DPP10: variants seen among roughly 807,000 people sequenced by gnomAD.
DPP10 encodes the protein inactive dipeptidyl peptidase 10.
DPP10 carries 33 observed loss-of-function variants against 120.9 expected under a neutral mutation model. That is an observed-to-expected ratio of 0.27 (90% CI 0.21 to 0.37). The LOEUF (loss-of-function observed/expected upper bound fraction) is 0.37. DPP10 is among the 10% of genes least tolerant of loss of function. The pLI is 1.00. For missense variants in DPP10, 816 were observed against 942.8 expected (o/e 0.87, Z 1.76); for synonymous variants, 337 against 326.1 (o/e 1.03, Z -0.36).
intron 1 of DPP10, among the ~76,000 whole-genome samples, chr2:115,201,884 A>G (rs1462005966): frequency 6.6e-6 from 1 of 152,198 alleles, no homozygotes; most frequent in Non-Finnish European, 1.5e-5. Context: ...GAAGAAGGAA[A>G]ACATTAGGGC....
intron 1 of DPP10, among the ~76,000 whole-genome samples, chr2:114,823,148 T>C (rs1686236748): frequency 6.6e-6 from 1 of 152,152 alleles, no homozygotes; most frequent in Non-Finnish European, 1.5e-5. Flanking sequence ...GGGTAATTTA[T>C]AAAGGAAAGA....
chr2:115,003,998 T>A lies in DPP10; in HGVS notation c.61-305241T>A, dbSNP rs527981499. ...TTATTAGTTTATTCACCAATTCAAG[T>A]ATTCATCAAACTTAACAAACATGTA... On this transcript the variant is annotated intron_variant, in intron 1 of 25. Transcript: ENST00000410059. Among the ~76,000 whole-genome samples the A allele has an allele frequency of 3.3e-5, 5 of 152,342 alleles. No homozygotes were observed. In the East Asian group the frequency reaches 7.7e-4, roughly 23 times the overall value.
At chr2:115,534,110 A>AT (rs200087853) in intron 5 of DPP10, among the ~76,000 whole-genome samples, 12 of 146,874 alleles carry the variant, frequency 8.2e-5, no homozygotes, top group African/African-American at 1.5e-4. Flanking sequence ...TTTATTTTTT[A>AT]TTTTTTTTTA....
At chr2:115,274,087 T>TTG (rs149873576) in intron 1 of DPP10, among the ~76,000 whole-genome samples, 7 of 151,642 alleles carry the variant, frequency 4.6e-5, no homozygotes, top group South Asian at 2.1e-4. Context: ...GCAGAATTGT[T>TTG]TGTGTGTGTG....
intron 1 of DPP10, among the ~76,000 whole-genome samples, chr2:114,525,670 C>G (rs1397091885): frequency 2.6e-5 from 4 of 152,152 alleles, no homozygotes; most frequent in African/African-American, 9.7e-5. Context: ...GTGATTTTCG[C>G]ACAAGTCATG....
chr2:114,810,161 T>C (rs1312401524), intron 1 of DPP10, among the ~76,000 whole-genome samples: 3 of 152,222 alleles, frequency 2.0e-5, no homozygotes, highest in Non-Finnish European at 4.4e-5. Context: ...GACTTAAATA[T>C]TTTTCCACCG....
At chr2:114,798,835 T>C (rs1683936711) in intron 1 of DPP10, among the ~76,000 whole-genome samples, 1 of 152,092 alleles carries the variant, frequency 6.6e-6, no homozygotes, top group Non-Finnish European at 1.5e-5. Context: ...AATAAAAAAG[T>C]TTATATTATG....
chr2:114,954,500 A>G (rs189464342), intron 1 of DPP10, among the ~76,000 whole-genome samples: 2 of 152,274 alleles, frequency 1.3e-5, no homozygotes, highest in African/African-American at 4.8e-5. Flanking sequence ...AGTAAATCAA[A>G]AAAGAAGAAA....
chr2:114,474,440 AATG>A (rs1411131476), intron 1 of DPP10, among the ~76,000 whole-genome samples: 2 of 152,194 alleles, frequency 1.3e-5, no homozygotes, highest in African/African-American at 4.8e-5. Context: ...TATTCCTATG[AATG>A]ATAACTGGAG....
intron 1 of DPP10, among the ~76,000 whole-genome samples, chr2:115,201,932 A>G (rs111699790): frequency 4.2e-4 from 64 of 152,288 alleles, no homozygotes; most frequent in African/African-American, 1.4e-3. Flanking sequence ...CCTCTCACAC[A>G]TTAGGGTCTT....
chr2:115,646,107 C>T lies in DPP10; in HGVS notation c.442-43580C>T, dbSNP rs576346403. On this transcript the variant is annotated intron_variant, in intron 5 of 25. Transcript: ENST00000410059. Reference sequence around the variant, plus strand: ...ATGCACACACATGCACGTGCGTGCGCGCACACACACACACACACTTCTTTG... The same window carrying T: ...ATGCACACACATGCACGTGCGTGCGTGCACACACACACACACACTTCTTTG... Among the ~76,000 whole-genome samples, 28 of 151,702 alleles carry T rather than the reference C, an allele frequency of 1.8e-4. No homozygotes were observed. In the South Asian group the frequency reaches 4.0e-3, roughly 21 times the overall value.
At chr2:115,499,735 A>G (rs1337359847) in intron 4 of DPP10, 131 bp downstream of exon 4, 5 of 517,500 alleles carry the variant, frequency 9.7e-6, no homozygotes, top group Non-Finnish European at 1.3e-5. Context: ...GGGCTGGAAT[A>G]TCATAAGAAT....
intron 1 of DPP10, among the ~76,000 whole-genome samples, chr2:114,651,821 G>A (rs562438806): frequency 6.6e-6 from 1 of 152,286 alleles, no homozygotes; most frequent in Non-Finnish European, 1.5e-5. Flanking sequence ...AGTAAGCAGA[G>A]TCATGAACAA....
chr2:114,452,632 T>C (rs17048362), intron 1 of DPP10, among the ~76,000 whole-genome samples: 1,871 of 152,222 alleles, frequency 0.012, 40 homozygotes, highest in African/African-American at 0.042. Context: ...AACATGTAAA[T>C]TTTATTAATT....
intron 7 of DPP10, among the ~76,000 whole-genome samples, chr2:115,704,376 T>C (rs2092014173): frequency 6.6e-6 from 1 of 151,976 alleles, no homozygotes; most frequent in African/African-American, 2.4e-5. Flanking sequence ...CTCTCTCAAA[T>C]AATTTTTAAT....
intron 1 of DPP10, among the ~76,000 whole-genome samples, chr2:114,470,150 C>A (rs1454611827): frequency 2.0e-5 from 3 of 152,198 alleles, no homozygotes; most frequent in Non-Finnish European, 4.4e-5. Flanking sequence ...CCAATTTGAG[C>A]TGACAGCAGC....
chr2:115,525,170 GT>G (rs1011143812), intron 4 of DPP10, among the ~76,000 whole-genome samples: 1 of 152,154 alleles, frequency 6.6e-6, no homozygotes, highest in Admixed American at 6.6e-5. Context: ...CTATTTTGGA[GT>G]TTTTTCACAC....
chr2:114,507,236 A>G (rs1300136066), intron 1 of DPP10, among the ~76,000 whole-genome samples: 1 of 151,832 alleles, frequency 6.6e-6, no homozygotes, highest in Non-Finnish European at 1.5e-5. Flanking sequence ...TTTTGTAGAG[A>G]CAGAGTTTTA....
At chr2:114,993,955 G>A (rs922559375) in intron 1 of DPP10, among the ~76,000 whole-genome samples, 9 of 151,974 alleles carry the variant, frequency 5.9e-5, no homozygotes, top group East Asian at 1.9e-4. Context: ...CCATTTTCTC[G>A]AGTAATGCTC....
Sources: gnomAD v4.1 joint callset for allele counts (sites outside exome capture counted in the v4.1 genomes callset) on GRCh38, gnomAD v4.1.1 for gene constraint, MANE v1.5 for transcripts, NCBI Gene and HGNC (gene_info 2026-07-23, HGNC 2026-07-21) for gene names.